The following P3H2 variants were observed in gnomAD, a reference collection of about 807,000 sequenced individuals.
P3H2 encodes the protein leprecan-like 1.
P3H2 carries 80 observed loss-of-function variants against 87.0 expected under a neutral mutation model. The ratio of observed to expected loss-of-function variants is 0.92; its 90% CI spans 0.77 to 1.11. The LOEUF (loss-of-function observed/expected upper bound fraction) is 1.11. Ranked by LOEUF, P3H2 falls within the 50% of genes least tolerant of loss-of-function variation. The probability of loss-of-function intolerance (pLI) is 0.00; values close to 1 mark genes in which losing one functional copy is unlikely to be tolerated. For synonymous variants in P3H2, 367 were observed against 359.3 expected (o/e 1.02, Z -0.24); for missense variants, 1,001 against 923.9 (o/e 1.08, Z -1.08).
At chr3:190,040,841 T>C (rs1231090749) in intron 1 of P3H2, among the ~76,000 whole-genome samples, 1 of 151,336 alleles carries the variant, frequency 6.6e-6, no homozygotes, top group Admixed American at 6.6e-5. Flanking sequence ...ACAAAGCTAG[T>C]ACACATAGTA....
rs1184021575 is a variant in P3H2 at position 190,120,805 on chromosome 3, C to G, written c.-74G>C. On this transcript the variant is annotated 5_prime_UTR_variant, in exon 1 of 15. Transcript: ENST00000319332. The stretch of plus-strand genomic sequence containing the variant: ...GGCACCTCGCGTCCGGGTCCCCTCT[C>G]CCACCTTCCCTCGGGGAAGCGCGCC... 4 of 1,481,782 alleles carry G rather than the reference C, an allele frequency of 2.7e-6. No homozygotes were observed. The highest frequency in any genetic ancestry group is 3.6e-6 in the Non-Finnish European group (4 of 1,120,320). The allele number at this position is 1,481,782 out of a possible 1,614,324, so 91.8% of individuals were successfully genotyped here.
chr3:190,110,565 C>G (rs748050000), intron 1 of P3H2, among the ~76,000 whole-genome samples: 113 of 152,122 alleles, frequency 7.4e-4, no homozygotes, highest in Admixed American at 1.4e-3. Flanking sequence ...TCCTGGATTT[C>G]ATATGAAAAT....
At chr3:189,969,646 G>C in intron 13 of P3H2, 1 of 1,195,588 alleles carries the variant, frequency 8.4e-7, no homozygotes, top group Non-Finnish European at 1.3e-6. Flanking sequence ...CCTGGTAGTT[G>C]ACCTTGGAAG....
intron 1 of P3H2, among the ~76,000 whole-genome samples, chr3:190,095,303 C>CAT (rs57074960): frequency 0.041 from 2,005 of 49,250 alleles, 97 homozygotes; most frequent in Middle Eastern, 0.043. Context: ...TGTCTCAAAA[C>CAT]ATATATATAT....
At chr3:190,006,741 C>T (rs1022989699) in intron 1 of P3H2, among the ~76,000 whole-genome samples, 1 of 152,116 alleles carries the variant, frequency 6.6e-6, no homozygotes. Flanking sequence ...TCTTGAAAAA[C>T]AGAAAACATG....
At chr3:190,048,912 GA>G (rs1307024858) in intron 1 of P3H2, among the ~76,000 whole-genome samples, 1 of 152,170 alleles carries the variant, frequency 6.6e-6, no homozygotes, top group Non-Finnish European at 1.5e-5. Context: ...AAAGGAAGGA[GA>G]AAAATAGCTT....
At chr3:190,024,396 A>G (rs1725023791) in intron 1 of P3H2, among the ~76,000 whole-genome samples, 1 of 152,018 alleles carries the variant, frequency 6.6e-6, no homozygotes, top group African/African-American at 2.4e-5. Flanking sequence ...TACAAAAATT[A>G]GCCAGGCGCG....
At position 189,988,861 on chromosome 3, in the gene P3H2, G is replaced by C; in HGVS notation, c.955+46C>G. ...ACAAAAATGTGATGTCTGTAATGAT[G>C]AACCACAACCCCCCAAGAAGTCTTC... is the stretch of plus-strand genomic sequence containing the variant. On this transcript the variant is annotated intron_variant, in intron 4 of 14. Coordinates refer to ENST00000319332, the MANE Select transcript of P3H2 (RefSeq NM_018192.4). The C allele has an allele frequency of 1.9e-6, 3 of 1,611,586 alleles. No homozygotes were observed. The East Asian group carries it at 6.7e-5, about 36-fold the overall frequency.
chr3:190,085,457 C>G (rs1160970774), intron 1 of P3H2, among the ~76,000 whole-genome samples: 1 of 152,206 alleles, frequency 6.6e-6, no homozygotes. Flanking sequence ...GGAAAAGGAT[C>G]GATTTCCCAA....
At chr3:189,991,620 T>G (rs1239479207) in intron 3 of P3H2, among the ~76,000 whole-genome samples, 1 of 152,180 alleles carries the variant, frequency 6.6e-6, no homozygotes, top group Non-Finnish European at 1.5e-5. Flanking sequence ...AGCCGAGAGA[T>G]AGAAGAAAAC....
intron 8 of P3H2, among the ~76,000 whole-genome samples, chr3:189,978,651 C>T (rs1723425949): frequency 6.8e-6 from 1 of 148,052 alleles, no homozygotes; most frequent in African/African-American, 2.5e-5. Flanking sequence ...TCCACACGTA[C>T]ATTTAACAAA....
intron 1 of P3H2, among the ~76,000 whole-genome samples, chr3:190,033,404 A>G (rs1333022841): frequency 6.6e-6 from 1 of 152,236 alleles, no homozygotes; most frequent in African/African-American, 2.4e-5. Context: ...AAATATAGAG[A>G]GAAATCTGTG....
intron 3 of P3H2, 135 bp from the exon 4 acceptor site, chr3:189,989,173 G>A (rs577792144): frequency 1.7e-5 from 18 of 1,080,422 alleles, no homozygotes; most frequent in East Asian, 2.5e-5. Flanking sequence ...CCTCACTTCC[G>A]GACTGCAAAA....
At chr3:190,051,792 C>G (rs1172980374) in intron 1 of P3H2, among the ~76,000 whole-genome samples, 1 of 152,182 alleles carries the variant, frequency 6.6e-6, no homozygotes, top group Non-Finnish European at 1.5e-5. Context: ...CAAGAAAGGG[C>G]GTTCAAAACA....
At position 190,110,041 on chromosome 3, in the gene P3H2, G is replaced by T. The variant is rs914266981; in HGVS notation, c.480+10211C>A. On this transcript the variant is annotated intron_variant, in intron 1 of 14. Transcript: ENST00000319332. ...TTCTTGTATTTTTAGTAGAGTTGGG[G>T]TTTCACCATGTTGGCCAGGCTGGTC... 1.4e-4 allele frequency among the ~76,000 whole-genome samples: 21 copies of T among 151,914 alleles called. No homozygotes were observed. In the South Asian group the frequency reaches 4.4e-3, roughly 32 times the overall value.
At chr3:190,071,401 G>A (rs578197948) in intron 1 of P3H2, among the ~76,000 whole-genome samples, 36 of 152,214 alleles carry the variant, frequency 2.4e-4, no homozygotes, top group Non-Finnish European at 4.1e-4. Flanking sequence ...AAATCCACTC[G>A]TAGTTCTAGA....
intron 1 of P3H2, among the ~76,000 whole-genome samples, chr3:190,009,945 G>A (rs1724534513): frequency 6.6e-6 from 1 of 152,114 alleles, no homozygotes; most frequent in Non-Finnish European, 1.5e-5. Context: ...TATTAAATCT[G>A]TGTGTCTAGG....
chr3:189,969,199 C>T, intron 13 of P3H2: 1 of 712,420 alleles, frequency 1.4e-6, no homozygotes, highest in Non-Finnish European at 2.6e-6. Context: ...CTCCTTCCAG[C>T]AGTCATAATC....
rs1712516809 is a variant in P3H2, at chr3:190,120,482, A to T, written c.250T>A (p.Cys84Ser). The T allele has an allele frequency of 2.1e-6, 3 of 1,441,006 alleles. No homozygotes were observed. The highest frequency in any genetic ancestry group is 1.8e-6 in the Non-Finnish European group (2 of 1,104,316). 89.3% of individuals were successfully genotyped at this position (1,441,006 alleles called of 1,614,324 possible). ...HRRLREIRTR[C>S]ARHCAARHPL... is the part of the protein sequence containing the mutation. Reference sequence around the variant, plus strand: ...TGGCGCGCCGCGCAGTGGCGGGCACAGCGCGTGCGGATTTCCCGCAGGCGC... The same window carrying T: ...TGGCGCGCCGCGCAGTGGCGGGCACTGCGCGTGCGGATTTCCCGCAGGCGC... The change falls in exon 1 of 15, where the codon TGT becomes AGT. Residue 84 changes from cysteine (C) to serine (S), a missense_variant. Physicochemically the swap from Cys to Ser is moderately radical, Grantham distance 112 (BLOSUM62 -1). Coordinates refer to ENST00000319332, the MANE Select transcript of P3H2 (RefSeq NM_018192.4).
Sources: gnomAD v4.1 joint callset for allele counts (sites outside exome capture counted in the v4.1 genomes callset) on GRCh38, gnomAD v4.1.1 for gene constraint, MANE v1.5 for transcripts, NCBI Gene and HGNC (gene_info 2026-07-23, HGNC 2026-07-21) for gene names.